Variants in PDZD8 observed in about 807,000 individuals in gnomAD.
PDZD8 encodes PDZ domain containing 8.
A neutral mutation model predicts 85.8 loss-of-function variants in PDZD8; 14 were observed. The observed-to-expected ratio is 0.16, with a 90% confidence interval of 0.11 to 0.26. The LOEUF (loss-of-function observed/expected upper bound fraction) is 0.26. Ranked by LOEUF, PDZD8 falls within the 10% of genes least tolerant of loss-of-function variation. PDZD8 has a pLI of 1.00. For missense variants in PDZD8, 1,197 were observed against 1,424.3 expected, an observed-to-expected ratio of 0.84 and a Z score of 2.57; for synonymous variants, 592 against 568.6, an observed-to-expected ratio of 1.04 and a Z score of -0.59.
In PDZD8 at chr10:117,290,294, G is replaced by C; in HGVS notation, c.1153C>G (p.Gln385Glu). 6.2e-7 allele frequency: 1 copy of C among 1,613,404 alleles called. No homozygotes were observed. The highest frequency in any genetic ancestry group is 8.5e-7 in the Non-Finnish European group (1 of 1,179,514). ...TGCCCAGCATACCCATCAGTTGACT[G>C]GACAAGACGAAGTGTAAGTCCAACA... ...QSVGLTLRLV[Q>E]STDGYAGHVI... The change falls in exon 4 of 5, where the codon CAG becomes GAG. Residue 385 changes from glutamine to glutamate, a missense_variant. Gln to Glu is a conservative substitution (Grantham distance 29, BLOSUM62 2). Transcript: ENST00000334464.
chr10:117,375,022 G>C lies in PDZD8; in HGVS notation c.206C>G (p.Pro69Arg), dbSNP rs747503361. The stretch of plus-strand genomic sequence containing the variant: ...GCCGCCCTCAGGGGCCGCTCCGGAG[G>C]GCTCCTCATCCCGGCCGCCGCCATA... Reference protein sequence around the residue: ...YLYGGGRDEEPSGAAPEGGAT... With the variant: ...YLYGGGRDEERSGAAPEGGAT... Residue 69 changes from proline (P) to arginine (R), a missense_variant, in exon 1 of 5, where the codon CCC becomes CGC. Coordinates refer to ENST00000334464, the MANE Select transcript of PDZD8 (RefSeq NM_173791.5). 1 of 1,588,664 alleles carries C rather than the reference G, an allele frequency of 6.3e-7. No individual in the cohort carries two copies. Among genetic ancestry groups the C allele is most frequent in the Non-Finnish European group, 8.6e-7 (1 of 1,168,076 alleles).
intron 3 of PDZD8, among the ~76,000 whole-genome samples, chr10:117,307,226 T>A (rs1192366937): frequency 6.9e-6 from 1 of 144,676 alleles, no homozygotes; most frequent in Non-Finnish European, 1.5e-5. Flanking sequence ...ACTTTTGTAG[T>A]CTTCTTTATA....
intron 1 of PDZD8, among the ~76,000 whole-genome samples, chr10:117,354,577 T>G (rs1844860711): frequency 6.6e-6 from 1 of 152,110 alleles, no homozygotes; most frequent in Non-Finnish European, 1.5e-5. Flanking sequence ...ACAAATAGGC[T>G]TATTTGAGAA....
intron 2 of PDZD8, among the ~76,000 whole-genome samples, chr10:117,330,020 G>C (rs35666358): frequency 1.6e-5 from 1 of 61,086 alleles, no homozygotes; most frequent in African/African-American, 7.0e-5. Context: ...GAGGGAGGGA[G>C]GGAGGGAAGG....
chr10:117,369,003 G>A (rs182716759), intron 1 of PDZD8, among the ~76,000 whole-genome samples: 8 of 151,630 alleles, frequency 5.3e-5, no homozygotes, highest in Non-Finnish European at 8.8e-5. Context: ...CTGCAGGTGC[G>A]TGCCATTTTT....
chr10:117,323,554 A>T (rs930472351), intron 2 of PDZD8, among the ~76,000 whole-genome samples: 4 of 152,114 alleles, frequency 2.6e-5, no homozygotes, highest in African/African-American at 9.7e-5. Flanking sequence ...GAACTTCAAA[A>T]TTTTTCTGAA....
rs777992301 is a variant in PDZD8 at position 117,374,431 on chromosome 10, T to C, written c.797A>G (p.Gln266Arg). The stretch of plus-strand genomic sequence containing the variant: ...CTGGTTGACGATGATGGAGGTGAGC[T>C]GGGGCATGGGCCGCCCTTCAAACTG... ...RSQFEGRPMPQLTSIIVNQLK... is the reference protein window; with the variant it reads ...RSQFEGRPMPRLTSIIVNQLK... The change falls in exon 1 of 5, where the codon CAG (glutamine) becomes CGG (arginine). Residue 266 changes from glutamine to arginine, a missense_variant. By Grantham distance (43) the Gln-to-Arg change is conservative. This residue lies in a region of PDZD8 where 344 missense variants were observed against 453.6 expected (regional missense o/e 0.76). Transcript: ENST00000334464. This position sits in a 1 kb window ranked among gnomAD's most constrained non-coding sequence, Gnocchi z 7.8. 3.8e-5 allele frequency: 62 copies of C among 1,614,114 alleles called. No individual in the cohort carries two copies. The highest frequency in any genetic ancestry group is 5.9e-6 in the Non-Finnish European group (7 of 1,180,052).
intron 2 of PDZD8, among the ~76,000 whole-genome samples, chr10:117,327,583 T>C (rs1266227380): frequency 2.6e-5 from 4 of 152,222 alleles, no homozygotes; most frequent in Non-Finnish European, 5.9e-5. Context: ...AAACCTACTG[T>C]TCTTTCTGCC....
chr10:117,309,294 C>G (rs529058712), intron 3 of PDZD8, among the ~76,000 whole-genome samples: 10 of 151,788 alleles, frequency 6.6e-5, no homozygotes, highest in Admixed American at 3.3e-4. Flanking sequence ...CTTTTCTTTA[C>G]CCTATATGAA....
At chr10:117,358,382 G>T (rs747640298) in intron 1 of PDZD8, among the ~76,000 whole-genome samples, 1 of 151,984 alleles carries the variant, frequency 6.6e-6, no homozygotes, top group African/African-American at 2.4e-5. Context: ...ACGTAATTGC[G>T]GGTTTTGCCA....
In PDZD8 at chr10:117,283,719, T is replaced by C; in HGVS notation, c.3014A>G (p.Glu1005Gly). The C allele has an allele frequency of 6.2e-7, 1 of 1,614,196 alleles. No individual in the cohort carries two copies. The highest frequency in any genetic ancestry group is 8.5e-7 in the Non-Finnish European group (1 of 1,180,032). ...NSTGIKLVRK[E>G]GGLDDSVFIA... ...GAAAACACTGTCATCCAGACCACCC[T>C]CTTTTCTCACTAACTTTATTCCTGT... The change falls in exon 5 of 5, where the codon GAG becomes GGG. Residue 1005 changes from glutamate to glycine, a missense_variant. Glu to Gly is a moderately conservative substitution (Grantham distance 98). Coordinates refer to ENST00000334464, the MANE Select transcript of PDZD8 (RefSeq NM_173791.5).
intron 4 of PDZD8, among the ~76,000 whole-genome samples, chr10:117,288,161 A>G (rs2133761956): frequency 1.3e-5 from 2 of 152,304 alleles, no homozygotes; most frequent in South Asian, 4.1e-4. Context: ...AATGAATTCC[A>G]TTTTGAGCTT....
chr10:117,302,409 A>T (rs1434227851), intron 3 of PDZD8, among the ~76,000 whole-genome samples: 1 of 152,248 alleles, frequency 6.6e-6, no homozygotes, highest in Admixed American at 6.5e-5. Context: ...TTTGAAACAG[A>T]CATATGGCAA....
intron 2 of PDZD8, among the ~76,000 whole-genome samples, chr10:117,321,052 T>G (rs985313764): frequency 4.6e-5 from 7 of 152,186 alleles, no homozygotes; most frequent in Middle Eastern, 3.2e-3. Flanking sequence ...GATGGGAATG[T>G]AAAATGATAT....
intron 3 of PDZD8, among the ~76,000 whole-genome samples, chr10:117,305,038 CA>C (rs1292682050): frequency 6.6e-6 from 1 of 152,108 alleles, no homozygotes; most frequent in South Asian, 2.1e-4. Flanking sequence ...CTATATCCGA[CA>C]AATACCATAT....
intron 2 of PDZD8, among the ~76,000 whole-genome samples, chr10:117,325,103 G>A (rs766927691): frequency 6.6e-6 from 1 of 152,038 alleles, no homozygotes; most frequent in Non-Finnish European, 1.5e-5. Flanking sequence ...TTGACTTTGT[G>A]GCGCCATTAA....
Position 117,375,387 on chromosome 10 carries a change from C to T in PDZD8, c.-160G>A. On this transcript the variant is annotated 5_prime_UTR_variant, in exon 1 of 5. Transcript: ENST00000334464. The stretch of plus-strand genomic sequence containing the variant: ...AGGGGCTCGGGCCGGCGCGCTGCGG[C>T]GCCCGAGCCCGCAGCGGCCCGCGCC... 2.6e-6 allele frequency: 1 copy of T among 378,864 alleles called. No individual in the cohort carries two copies. Among genetic ancestry groups the T allele is most frequent in the South Asian group, 1.2e-4 (1 of 8,014 alleles). The allele number at this position is 378,864 out of a possible 1,614,324, so 23.5% of individuals were successfully genotyped here. A position where few individuals can be genotyped will look rare whatever the true frequency, so the allele number is the denominator to read the frequency against.
At position 117,284,311 on chromosome 10, in the gene PDZD8, T is replaced by G. The variant is rs762185066; in HGVS notation, c.2422A>C (p.Asn808His). 2 of 1,614,026 alleles carry G rather than the reference T, an allele frequency of 1.2e-6. No homozygotes were observed. The highest frequency in any genetic ancestry group is 1.3e-5 in the African/African-American group (1 of 75,016). ...TGGGGTTCTTTTTCTTTTTCTACGTTAGTAACTACATGGTGGTCTGATTCT... is the reference window on the plus strand; with the variant it reads ...TGGGGTTCTTTTTCTTTTTCTACGTGAGTAACTACATGGTGGTCTGATTCT... ...EGESDHHVVTNVEKEKEPHLV... is the reference protein window; with the variant it reads ...EGESDHHVVTHVEKEKEPHLV... Residue 808 changes from asparagine to histidine, a missense_variant, in exon 5 of 5, where the codon AAC (asparagine) becomes CAC (histidine). By Grantham distance (68) the Asn-to-His change is moderately conservative (BLOSUM62 1). This residue lies in a region of PDZD8 where 418 missense variants were observed against 571.1 expected (regional missense o/e 0.73). Coordinates refer to ENST00000334464, the MANE Select transcript of PDZD8 (RefSeq NM_173791.5).
chr10:117,334,269 T>C (rs1442513786), intron 2 of PDZD8, among the ~76,000 whole-genome samples: 1 of 152,128 alleles, frequency 6.6e-6, no homozygotes, highest in African/African-American at 2.4e-5. Flanking sequence ...AGGTTGAAGC[T>C]GGTGGGCTGG....
Sources: gnomAD v4.1 joint callset for allele counts (sites outside exome capture counted in the v4.1 genomes callset) on GRCh38, gnomAD v4.1.1 for gene constraint, gnomAD v4.1.1 regional missense constraint, Gnocchi (gnomAD v3.1) non-coding constraint, MANE v1.5 for transcripts, NCBI Gene and HGNC (gene_info 2026-07-23, HGNC 2026-07-21) for gene names.